Variants in CD2AP observed in about 807,000 individuals in gnomAD.
CD2AP encodes the protein CD2-associated protein.
Under a neutral mutation model 85.1 loss-of-function variants are expected in CD2AP, and 46 were observed. That is an observed-to-expected ratio of 0.54 (90% confidence interval 0.43 to 0.69). The LOEUF (loss-of-function observed/expected upper bound fraction) is 0.69, where lower values mean the gene tolerates loss of function less well. CD2AP is among the 30% of genes least tolerant of loss of function. The pLI, the probability that CD2AP is intolerant of heterozygous loss-of-function variation, is 0.00. For missense variants in CD2AP, 769 were observed against 729.5 expected, an observed-to-expected ratio of 1.05 and a Z score of -0.62; for synonymous variants, 255 against 252.9, an observed-to-expected ratio of 1.01 and a Z score of -0.08.
At chr6:47,589,581 T>TATATATATATATATATATATATATATATA (rs1562046500) in intron 11 of CD2AP, among the ~76,000 whole-genome samples, 2 of 148,544 alleles carry the variant, frequency 1.3e-5, no homozygotes, top group South Asian at 4.3e-4. Context: ...TATATATATA[T>TATATATATATATATATATATATATATATA]TTGTCAGAGT....
intron 4 of CD2AP, among the ~76,000 whole-genome samples, chr6:47,548,554 G>T (rs993519267): frequency 2.6e-5 from 4 of 152,080 alleles, no homozygotes; most frequent in African/African-American, 9.7e-5. Context: ...GGTTGAAGTG[G>T]TAATTAAAAA....
rs774306719 is a variant in CD2AP, at chr6:47,624,160, T to G, written c.1879-26T>G. The G allele has an allele frequency of 1.1e-5, 17 of 1,570,368 alleles. No homozygotes were observed. In the South Asian group the frequency reaches 1.9e-4, roughly 17 times the overall value. ...TACTAAACTAAGGATATTTTATGTT[T>G]GCTCAATTTATGTTTTTTGTTTTAG... is the stretch of plus-strand genomic sequence containing the variant. On this transcript the variant is annotated intron_variant, in intron 17 of 17. Transcript: ENST00000359314.
At chr6:47,557,143 A>G (rs992150816) in intron 5 of CD2AP, among the ~76,000 whole-genome samples, 2 of 147,138 alleles carry the variant, frequency 1.4e-5, no homozygotes, top group South Asian at 2.2e-4. Context: ...GTGTCTGTTC[A>G]TAGCCTTTGC....
chr6:47,487,517 C>T (rs1435485577), intron 1 of CD2AP, among the ~76,000 whole-genome samples: 2 of 152,068 alleles, frequency 1.3e-5, no homozygotes, highest in East Asian at 3.9e-4. Flanking sequence ...GGAGAAACCC[C>T]GTCTCTACTA....
intron 3 of CD2AP, among the ~76,000 whole-genome samples, chr6:47,536,892 AGTCAGCGTGGAATATTGGTAGAT>A (rs1294337485): frequency 3.3e-5 from 5 of 152,202 alleles, no homozygotes; most frequent in Non-Finnish European, 5.9e-5. Context: ...GAATATTAGC[AGTCAGCGTGGAATATTGGTAGAT>A]GTTTCACTTT....
At chr6:47,518,516 G>C (rs1410270673) in intron 2 of CD2AP, among the ~76,000 whole-genome samples, 2 of 152,130 alleles carry the variant, frequency 1.3e-5, no homozygotes, top group African/African-American at 4.8e-5. Context: ...TCCATTTTAT[G>C]TATACCACAG....
chr6:47,539,647 CT>C (rs1405870218), intron 3 of CD2AP, among the ~76,000 whole-genome samples: 3 of 151,874 alleles, frequency 2.0e-5, no homozygotes, highest in Non-Finnish European at 4.4e-5. Flanking sequence ...TTTTTATTTC[CT>C]TTTTTTCTCA....
chr6:47,500,296 A>G (rs1177564349), intron 1 of CD2AP, among the ~76,000 whole-genome samples: 1 of 152,146 alleles, frequency 6.6e-6, no homozygotes, highest in Non-Finnish European at 1.5e-5. Context: ...TTAGCCCTGC[A>G]TGCATTTCAT....
At chr6:47,604,097 C>T (rs1224768029) in intron 13 of CD2AP, among the ~76,000 whole-genome samples, 3 of 152,036 alleles carry the variant, frequency 2.0e-5, no homozygotes, top group Admixed American at 1.3e-4. Context: ...TTGGATATTT[C>T]ATTTTGCTTT....
intron 2 of CD2AP, among the ~76,000 whole-genome samples, chr6:47,507,066 A>G (rs998651087): frequency 1.3e-5 from 2 of 152,200 alleles, no homozygotes; most frequent in African/African-American, 4.8e-5. Flanking sequence ...CATTTCAACA[A>G]TACTCACCGT....
chr6:47,564,473 T>A (rs1271194497), intron 5 of CD2AP, among the ~76,000 whole-genome samples: 1 of 152,208 alleles, frequency 6.6e-6, no homozygotes, highest in African/African-American at 2.4e-5. Flanking sequence ...CATTTTCTTA[T>A]GCTATTCAGC....
chr6:47,518,338 C>T (rs1222944981), intron 2 of CD2AP, among the ~76,000 whole-genome samples: 1 of 152,194 alleles, frequency 6.6e-6, no homozygotes, highest in Non-Finnish European at 1.5e-5. Flanking sequence ...GATATTAGAA[C>T]ATTCATTATC....
intron 1 of CD2AP, among the ~76,000 whole-genome samples, chr6:47,493,806 T>G (rs1333607233): frequency 6.6e-6 from 1 of 152,140 alleles, no homozygotes; most frequent in African/African-American, 2.4e-5. Context: ...TGACCTCTCT[T>G]CAAGCTTACT....
chr6:47,568,402 A>G (rs1297859415), intron 5 of CD2AP, among the ~76,000 whole-genome samples: 2 of 152,116 alleles, frequency 1.3e-5, no homozygotes, highest in Non-Finnish European at 2.9e-5. Context: ...AAAAATTCGG[A>G]TGTCTGTGCA....
At chr6:47,534,590 A>G (rs1766975791) in intron 3 of CD2AP, among the ~76,000 whole-genome samples, 1 of 152,122 alleles carries the variant, frequency 6.6e-6, no homozygotes, top group East Asian at 1.9e-4. Context: ...CTGTAATTCC[A>G]GCTACTTGGG....
intron 5 of CD2AP, among the ~76,000 whole-genome samples, chr6:47,565,232 T>C (rs1244943976): frequency 6.6e-6 from 1 of 152,176 alleles, no homozygotes; most frequent in Admixed American, 6.5e-5. Context: ...GTGGTTTCTA[T>C]ATAAAAGTCC....
chr6:47,495,130 T>A (rs1428450972), intron 1 of CD2AP, among the ~76,000 whole-genome samples: 1 of 152,062 alleles, frequency 6.6e-6, no homozygotes, highest in Non-Finnish European at 1.5e-5. Context: ...TCCATTGCAC[T>A]CCAGCCTGGG....
rs913041507 is a variant in CD2AP, at chr6:47,571,961, C to A, written c.542-2103C>A. On this transcript the variant is annotated intron_variant, in intron 5 of 17. Transcript: ENST00000359314. ...CACTCGTTAAAGTAGAACTTCTCAA[C>A]CTTGTCACTGAAGATGTTTTGGGCT... Among the ~76,000 whole-genome samples the A allele has an allele frequency of 2.0e-5, 3 of 152,246 alleles. No individual in the cohort carries two copies. The South Asian group carries it at 6.2e-4, about 32-fold the overall frequency.
intron 2 of CD2AP, among the ~76,000 whole-genome samples, chr6:47,508,824 T>G (rs1233757838): frequency 6.6e-6 from 1 of 152,126 alleles, no homozygotes; most frequent in Non-Finnish European, 1.5e-5. Flanking sequence ...GGATTACAGG[T>G]GTGAGCCTGG....
Sources: gnomAD v4.1 joint callset for allele counts (sites outside exome capture counted in the v4.1 genomes callset) on GRCh38, gnomAD v4.1.1 for gene constraint, MANE v1.5 for transcripts, NCBI Gene and HGNC (gene_info 2026-07-23, HGNC 2026-07-21) for gene names.